Variants in SIK3 observed in about 807,000 individuals in gnomAD.
The protein encoded by SIK3 is serine/threonine-protein kinase SIK3.
Under a neutral mutation model 144.2 loss-of-function variants are expected in SIK3, and 28 were observed. The ratio of observed to expected loss-of-function variants is 0.19; its 90% CI spans 0.14 to 0.27. SIK3 has a LOEUF of 0.27. Among genes scored for constraint, SIK3 ranks in the 10% least tolerant of loss-of-function variants. The probability of loss-of-function intolerance (pLI) is 1.00; values close to 1 mark genes in which losing one functional copy is unlikely to be tolerated. For synonymous variants in SIK3, 686 were observed against 676.3 expected (o/e 1.01, Z -0.22); for missense variants, 1,319 against 1,776.0 (o/e 0.74, Z 4.62).
At chr11:116,925,500 C>T (rs564431006) in intron 4 of SIK3, among the ~76,000 whole-genome samples, 1 of 152,148 alleles carries the variant, frequency 6.6e-6, no homozygotes, top group Non-Finnish European at 1.5e-5. Flanking sequence ...GAGGAACAGC[C>T]CTTGCTGCTG....
chr11:117,058,956 G>A (rs1053328005), intron 1 of SIK3, among the ~76,000 whole-genome samples: 2 of 152,212 alleles, frequency 1.3e-5, no homozygotes, highest in African/African-American at 2.4e-5. Context: ...CTCATTGAAA[G>A]TGACCAATTA....
intron 1 of SIK3, among the ~76,000 whole-genome samples, chr11:117,017,486 T>C (rs904699656): frequency 3.9e-5 from 6 of 152,060 alleles, no homozygotes; most frequent in Non-Finnish European, 7.4e-5. Flanking sequence ...TTGAAAGTGC[T>C]AAGCACAGGC....
rs190410272 is a variant in SIK3 at position 117,001,828 on chromosome 11, C to G, written c.274-44764G>C. On this transcript the variant is annotated intron_variant, in intron 1 of 24. Transcript: ENST00000445177. ...TAATGAGTCTCCAATGAATACAATA[C>G]TCTCCCTACCTTCAGTCCACCTTCT... Among the ~76,000 whole-genome samples the G allele has an allele frequency of 3.3e-5, 5 of 152,300 alleles. No homozygotes were observed. In the East Asian group the frequency reaches 7.7e-4, roughly 23 times the overall value.
chr11:116,859,447 C>T lies in SIK3; in HGVS notation c.2583G>A (p.Glu861=), dbSNP rs766904158. The part of the protein sequence containing the change: ...QSQQVTIQVQ[E]PVDMLSNMPG... ...GCATGTTGCTGAGCATGTCAACAGG[C>T]TCTTGGACTTGGATGGTGACCTGCT... The change falls in exon 20 of 25, where the codon GAG becomes GAA. Residue 861 remains glutamate, a synonymous_variant. Coordinates refer to ENST00000445177, the MANE Select transcript of SIK3 (RefSeq NM_001366686.3). 1 of 1,614,226 alleles carries T rather than the reference C, an allele frequency of 6.2e-7. No individual in the cohort carries two copies. Among genetic ancestry groups the T allele is most frequent in the Non-Finnish European group, 8.5e-7 (1 of 1,180,050 alleles).
chr11:116,975,490 T>C (rs1419398670), intron 1 of SIK3, among the ~76,000 whole-genome samples: 1 of 152,232 alleles, frequency 6.6e-6, no homozygotes, highest in African/African-American at 2.4e-5. Context: ...TTGTTTCTTT[T>C]ACTTGGCATA....
In SIK3 at chr11:116,875,396, TTGATCAGC is replaced by T; in HGVS notation, c.1287_1294del (p.Leu430ProfsTer17). 6.2e-7 allele frequency: 1 copy of T among 1,614,200 alleles called. No individual in the cohort carries two copies. Among genetic ancestry groups the T allele is most frequent in the Non-Finnish European group, 8.5e-7 (1 of 1,180,032 alleles). On this transcript the variant is annotated frameshift_variant, in exon 10 of 25. Transcript: ENST00000445177. LOFTEE classifies it high-confidence loss of function. ...TGCCTCCACAATTTGGTTCTCTGGG[TTGATCAGC>T]TGCACCTGGGGAACGCTGATGTTCA...
chr11:117,096,312 T>G (rs565042255), intron 1 of SIK3, among the ~76,000 whole-genome samples: 20 of 152,176 alleles, frequency 1.3e-4, no homozygotes, highest in African/African-American at 4.1e-4. Context: ...GGCAACCAAT[T>G]AAGTTCATGG....
At chr11:116,978,617 C>A (rs1478523458) in intron 1 of SIK3, among the ~76,000 whole-genome samples, 2 of 152,076 alleles carry the variant, frequency 1.3e-5, no homozygotes, top group Admixed American at 6.6e-5. Context: ...GATCCTTCCA[C>A]CTCAGCCTTC....
At chr11:116,915,277 G>C (rs932086830) in intron 4 of SIK3, among the ~76,000 whole-genome samples, 2 of 151,932 alleles carry the variant, frequency 1.3e-5, no homozygotes, top group African/African-American at 4.8e-5. Context: ...CTCCCAAAGT[G>C]CTGGGATTAC....
At chr11:116,936,709 A>G (rs1280358307) in intron 3 of SIK3, among the ~76,000 whole-genome samples, 1 of 152,142 alleles carries the variant, frequency 6.6e-6, no homozygotes, top group African/African-American at 2.4e-5. Flanking sequence ...CATCCTTTAC[A>G]TTGTTACCAG....
At chr11:117,054,647 G>C (rs1953427354) in intron 1 of SIK3, among the ~76,000 whole-genome samples, 1 of 152,144 alleles carries the variant, frequency 6.6e-6, no homozygotes, top group Non-Finnish European at 1.5e-5. Context: ...AACAGTACTT[G>C]ATAGGCCAGG....
intron 4 of SIK3, among the ~76,000 whole-genome samples, chr11:116,925,267 A>C (rs77005547): frequency 6.7e-6 from 1 of 149,698 alleles, no homozygotes; most frequent in Non-Finnish European, 1.5e-5. Context: ...AAACAAAAAA[A>C]GGTGGGGGTG....
intron 4 of SIK3, among the ~76,000 whole-genome samples, chr11:116,898,821 TG>T (rs1268768963): frequency 1.3e-5 from 2 of 152,054 alleles, no homozygotes; most frequent in Non-Finnish European, 2.9e-5. Context: ...TTGATGGTGT[TG>T]TTTTTTTCTT....
chr11:117,018,867 A>G (rs1372185989), intron 1 of SIK3, among the ~76,000 whole-genome samples: 1 of 151,782 alleles, frequency 6.6e-6, no homozygotes. Context: ...GCCTGCCACC[A>G]TGCCCGGCTA....
chr11:117,069,321 CTATACTG>C (rs1331096661), intron 1 of SIK3, among the ~76,000 whole-genome samples: 1 of 152,064 alleles, frequency 6.6e-6, no homozygotes, highest in East Asian at 1.9e-4. Flanking sequence ...GCCATTTTAT[CTATACTG>C]CTGACCACTT....
At chr11:116,845,891 C>A in intron 24 of SIK3, among the ~76,000 whole-genome samples, 1 of 152,208 alleles carries the variant, frequency 6.6e-6, no homozygotes, top group East Asian at 1.9e-4. Flanking sequence ...TTTCCCCATT[C>A]TTTCTACCAT....
intron 4 of SIK3, chr11:116,904,876 CCATAA>C (rs1462592722): frequency 1.8e-5 from 3 of 166,426 alleles, no homozygotes; most frequent in African/African-American, 4.8e-5. Flanking sequence ...CTGCACCTGG[CCATAA>C]CATATTTCTT....
chr11:117,019,959 G>T (rs2135733483), intron 1 of SIK3, among the ~76,000 whole-genome samples: 1 of 152,044 alleles, frequency 6.6e-6, no homozygotes, highest in South Asian at 2.1e-4. Context: ...ATACTATTGA[G>T]CCATAAGGAG....
chr11:117,088,851 T>G (rs1591685482), intron 1 of SIK3, among the ~76,000 whole-genome samples: 2 of 131,888 alleles, frequency 1.5e-5, no homozygotes, highest in South Asian at 5.2e-4. Flanking sequence ...GTTATTTTTA[T>G]TATTATTATT....
Sources: gnomAD v4.1 joint callset for allele counts (sites outside exome capture counted in the v4.1 genomes callset) on GRCh38, gnomAD v4.1.1 for gene constraint, MANE v1.5 for transcripts, NCBI Gene and HGNC (gene_info 2026-07-23, HGNC 2026-07-21) for gene names.